Variants in GMDS observed in about 807,000 individuals in gnomAD.
GMDS encodes the protein GDP-mannose 4,6 dehydratase.
Under a neutral mutation model 49.9 loss-of-function variants are expected in GMDS, and 20 were observed. That is an observed-to-expected ratio of 0.40 (90% CI 0.28 to 0.58). GMDS has a LOEUF of 0.58. GMDS is among the 20% of genes least tolerant of loss of function. The pLI is 0.42. For missense variants in GMDS, 362 were observed against 481.4 expected (o/e 0.75, Z 2.32); for synonymous variants, 177 against 178.6 (o/e 0.99, Z 0.07).
At position 1,878,070 on chromosome 6, in the gene GMDS, C is replaced by T. The variant is rs778963908; in HGVS notation, c.771+52033G>A. On this transcript the variant is annotated intron_variant, in intron 7 of 10. Transcript: ENST00000380815. ...GGCTCACGCCTGTCATCCCAGCACTCTGGGAGGCCGAGGTGGGCAGATCAC... is the reference window on the plus strand; with the variant it reads ...GGCTCACGCCTGTCATCCCAGCACTTTGGGAGGCCGAGGTGGGCAGATCAC... Among the ~76,000 whole-genome samples the T allele has an allele frequency of 5.3e-5, 8 of 152,104 alleles. No individual in the cohort carries two copies. In the East Asian group the frequency reaches 5.8e-4, roughly 11 times the overall value.
chr6:2,118,788 T>C (rs1273690537), intron 2 of GMDS, among the ~76,000 whole-genome samples: 1 of 152,184 alleles, frequency 6.6e-6, no homozygotes, highest in Admixed American at 6.5e-5. Flanking sequence ...TTTCACATTT[T>C]AGGAGGCAAA....
chr6:2,182,141 G>C (rs1234152289), intron 1 of GMDS, among the ~76,000 whole-genome samples: 1 of 152,234 alleles, frequency 6.6e-6, no homozygotes, highest in Non-Finnish European at 1.5e-5. Flanking sequence ...TAACAACAGT[G>C]CCTTAAGCCA....
At chr6:1,667,016 A>T (rs1199950567) in intron 9 of GMDS, among the ~76,000 whole-genome samples, 1 of 152,202 alleles carries the variant, frequency 6.6e-6, no homozygotes, top group African/African-American at 2.4e-5. Flanking sequence ...CAGCGAGAAG[A>T]GCAATGCCAA....
intron 2 of GMDS, among the ~76,000 whole-genome samples, chr6:2,120,959 C>T (rs1451137280): frequency 6.6e-6 from 1 of 152,218 alleles, no homozygotes; most frequent in Non-Finnish European, 1.5e-5. Flanking sequence ...GCCCATGAGT[C>T]CCACAGAGCT....
chr6:1,867,065 A>C (rs1011384520), intron 7 of GMDS, among the ~76,000 whole-genome samples: 2 of 152,226 alleles, frequency 1.3e-5, no homozygotes, highest in Non-Finnish European at 2.9e-5. Flanking sequence ...ATTTAGCTAC[A>C]TTTCCCAATT....
At chr6:1,736,329 GAGAC>G (rs1399935784) in intron 8 of GMDS, among the ~76,000 whole-genome samples, 2 of 152,206 alleles carry the variant, frequency 1.3e-5, no homozygotes, top group Non-Finnish European at 2.9e-5. Context: ...GGGAGGTAGA[GAGAC>G]AGAGAGGAAG....
chr6:1,718,407 A>G (rs1766249546), intron 9 of GMDS, among the ~76,000 whole-genome samples: 1 of 152,044 alleles, frequency 6.6e-6, no homozygotes, highest in Non-Finnish European at 1.5e-5. Flanking sequence ...ACTACCCTAC[A>G]TGGTTCAGCC....
At chr6:1,935,983 C>G (rs148313053) in intron 6 of GMDS, among the ~76,000 whole-genome samples, 515 of 152,268 alleles carry the variant, frequency 3.4e-3, no homozygotes, top group African/African-American at 8.8e-3. Context: ...ACTGAGGAGT[C>G]TGGGCTGGAA....
At chr6:2,124,550 A>G (rs1775312825) in intron 2 of GMDS, 137 bp downstream of exon 2, 2 of 733,548 alleles carry the variant, frequency 2.7e-6, no homozygotes, top group South Asian at 1.6e-5. Flanking sequence ...CCAAAGACAC[A>G]TTCTTCCCCG....
chr6:2,179,866 T>C (rs1034377163), intron 1 of GMDS, among the ~76,000 whole-genome samples: 3 of 151,204 alleles, frequency 2.0e-5, no homozygotes, highest in Non-Finnish European at 4.4e-5. Context: ...CATAAGATCA[T>C]ACAAATATCC....
chr6:1,664,550 C>A (rs1296609638), intron 9 of GMDS, among the ~76,000 whole-genome samples: 1 of 152,220 alleles, frequency 6.6e-6, no homozygotes, highest in Admixed American at 6.5e-5. Flanking sequence ...GCCACTCCTA[C>A]AGGCACAGCA....
At position 2,111,754 on chromosome 6, in the gene GMDS, T is replaced by A. The variant is rs1186713995; in HGVS notation, c.345+4017A>T. ...ATAACAAGAAATTTAATTAATCTTA[T>A]GGCAAACATTACACTGTCAGAAGTA... On this transcript the variant is annotated intron_variant, in intron 4 of 10. Transcript: ENST00000380815. Among the ~76,000 whole-genome samples the A allele has an allele frequency of 2.0e-5, 3 of 152,342 alleles. 1 individual carries two copies. The highest frequency in any genetic ancestry group is 2.0e-4 in the Admixed American group (3 of 15,306).
At chr6:1,661,760 C>T (rs1340314909) in intron 9 of GMDS, among the ~76,000 whole-genome samples, 5 of 152,234 alleles carry the variant, frequency 3.3e-5, no homozygotes, top group Non-Finnish European at 5.9e-5. Context: ...TCTAGCAAAT[C>T]CACTGCTGGG....
intron 1 of GMDS, among the ~76,000 whole-genome samples, chr6:2,198,074 T>G (rs1779351479): frequency 1.3e-5 from 2 of 152,284 alleles, no homozygotes; most frequent in Non-Finnish European, 2.9e-5. Context: ...TGCCACAGGC[T>G]TACTGTGAAC....
chr6:2,217,444 G>T (rs1008272954), intron 1 of GMDS, among the ~76,000 whole-genome samples: 6 of 152,074 alleles, frequency 3.9e-5, no homozygotes, highest in African/African-American at 1.5e-4. Flanking sequence ...ATTAAGTGAA[G>T]GTTTATGTTT....
At chr6:1,839,467 C>T (rs1757062399) in intron 7 of GMDS, among the ~76,000 whole-genome samples, 1 of 151,934 alleles carries the variant, frequency 6.6e-6, no homozygotes, top group African/African-American at 2.4e-5. Context: ...TGAAATATAC[C>T]CTGGATTTAA....
intron 9 of GMDS, among the ~76,000 whole-genome samples, chr6:1,664,268 A>C (rs1764171510): frequency 6.6e-6 from 1 of 152,180 alleles, no homozygotes; most frequent in Non-Finnish European, 1.5e-5. Context: ...AGTCAAAACT[A>C]ATGAAAGTCT....
intron 8 of GMDS, among the ~76,000 whole-genome samples, chr6:1,738,204 CAT>C (rs1277028069): frequency 1.3e-5 from 2 of 151,876 alleles, no homozygotes; most frequent in African/African-American, 4.8e-5. Context: ...TACACACACA[CAT>C]ACACACACAC....
chr6:2,052,424 G>C (rs887997902), intron 4 of GMDS, among the ~76,000 whole-genome samples: 1 of 152,236 alleles, frequency 6.6e-6, no homozygotes, highest in Non-Finnish European at 1.5e-5. Context: ...GAAGAAGTCT[G>C]TTGGGTAAAC....
Sources: gnomAD v4.1 joint callset for allele counts (sites outside exome capture counted in the v4.1 genomes callset) on GRCh38, gnomAD v4.1.1 for gene constraint, MANE v1.5 for transcripts, NCBI Gene and HGNC (gene_info 2026-07-23, HGNC 2026-07-21) for gene names.